LMCD1: variants seen among roughly 807,000 people sequenced by gnomAD.
LMCD1 encodes LIM and cysteine-rich domains protein 1.
A neutral mutation model predicts 42.7 loss-of-function variants in LMCD1; 32 were observed. The observed-to-expected ratio is 0.75, with a 90% CI of 0.57 to 1.01. The LOEUF (loss-of-function observed/expected upper bound fraction) is 1.01, where lower values mean the gene tolerates loss of function less well. Ranked by LOEUF, LMCD1 falls within the 50% of genes least tolerant of loss-of-function variation. LMCD1 has a pLI of 0.00. For synonymous variants in LMCD1, 178 were observed against 184.9 expected (o/e 0.96, Z 0.30); for missense variants, 458 against 483.1 (o/e 0.95, Z 0.49).
chr3:8,555,622 A>G (rs962598301), intron 4 of LMCD1, among the ~76,000 whole-genome samples: 2 of 147,852 alleles, frequency 1.4e-5, no homozygotes, highest in African/African-American at 5.1e-5. Flanking sequence ...TTTCAGGGAG[A>G]TCTTTTTTTT....
chr3:8,558,149 A>G (rs1694961060), intron 4 of LMCD1, among the ~76,000 whole-genome samples: 1 of 152,220 alleles, frequency 6.6e-6, no homozygotes, highest in Non-Finnish European at 1.5e-5. Context: ...GTTCTATAGA[A>G]TTGAGTCACT....
At chr3:8,514,981 G>A (rs550993286) in intron 1 of LMCD1, 4 of 456,736 alleles carry the variant, frequency 8.8e-6, no homozygotes, top group African/African-American at 2.0e-5. Flanking sequence ...GGAGATTGGT[G>A]CATTTCGACC....
In LMCD1 at chr3:8,508,149, T is replaced by A. The variant is rs547937728; in HGVS notation, c.42+6169T>A. ...ACTAGTAGAGAGACCTTTTAAAGAA[T>A]AATACATGTTATCCTAATACTCTAA... On this transcript the variant is annotated intron_variant, in intron 1 of 5. Coordinates refer to ENST00000157600, the MANE Select transcript of LMCD1 (RefSeq NM_014583.4). Among the ~76,000 whole-genome samples, 744 of 152,308 alleles carry A rather than the reference T, an allele frequency of 4.9e-3. 8 individuals are homozygous for A. The highest frequency in any genetic ancestry group is 8.0e-3 in the Non-Finnish European group (542 of 68,024).
intron 1 of LMCD1, among the ~76,000 whole-genome samples, chr3:8,523,113 A>C (rs550295572): frequency 3.3e-5 from 5 of 152,252 alleles, no homozygotes; most frequent in Non-Finnish European, 5.9e-5. Flanking sequence ...TTGATCTTTA[A>C]AAGCAAAACA....
chr3:8,547,382 CAGG>C (rs1464880711), intron 3 of LMCD1, among the ~76,000 whole-genome samples: 59 of 152,284 alleles, frequency 3.9e-4, no homozygotes, highest in African/African-American at 1.4e-3. Flanking sequence ...TTATTTGTTC[CAGG>C]CAGAAAGAAG....
At chr3:8,526,278 T>TG (rs1694297659) in intron 1 of LMCD1, among the ~76,000 whole-genome samples, 1 of 152,216 alleles carries the variant, frequency 6.6e-6, no homozygotes, top group African/African-American at 2.4e-5. Flanking sequence ...CCAAAATATC[T>TG]GGAAGAGGCT....
At chr3:8,506,204 A>G (rs997053630) in intron 1 of LMCD1, among the ~76,000 whole-genome samples, 4 of 152,198 alleles carry the variant, frequency 2.6e-5, no homozygotes, top group African/African-American at 9.6e-5. Flanking sequence ...GAGGCAGGAA[A>G]GAGCTTCATC....
rs1182937927 is a variant in LMCD1, at chr3:8,572,097, G to C, written c.*4499G>C. ...GTTATCTTGTCTATTCTTCAATTTG[G>C]AAGTGTTCTTTGTTCTTTCCTGAAT... is the stretch of plus-strand genomic sequence containing the variant. On this transcript the variant is annotated 3_prime_UTR_variant, in exon 6 of 6. Transcript: ENST00000157600. The C allele has an allele frequency of 6.6e-6, 1 of 152,148 alleles. No individual in the cohort carries two copies. The highest frequency in any genetic ancestry group is 1.5e-5 in the Non-Finnish European group (1 of 68,022). The allele number at this position is 152,148 out of a possible 1,614,324, so 9.4% of individuals were successfully genotyped here.
chr3:8,527,489 G>A (rs1290154086), intron 1 of LMCD1, among the ~76,000 whole-genome samples: 2 of 152,038 alleles, frequency 1.3e-5, no homozygotes, highest in Admixed American at 6.6e-5. Context: ...GTAGTTTCAG[G>A]GTCATATTTT....
intron 5 of LMCD1, 89 bp from the exon 6 acceptor site, chr3:8,567,351 G>A: frequency 7.5e-7 from 1 of 1,338,978 alleles, no homozygotes; most frequent in Non-Finnish European, 1.0e-6. Flanking sequence ...AGGATGGGAT[G>A]AACCACCACC....
chr3:8,510,590 C>A (rs1312643597), intron 1 of LMCD1, among the ~76,000 whole-genome samples: 1 of 152,140 alleles, frequency 6.6e-6, no homozygotes, highest in Non-Finnish European at 1.5e-5. Context: ...AGTTTAGCAG[C>A]TCCTATGCCT....
intron 2 of LMCD1, among the ~76,000 whole-genome samples, chr3:8,535,612 T>C (rs1694495287): frequency 6.6e-6 from 1 of 152,256 alleles, no homozygotes; most frequent in Non-Finnish European, 1.5e-5. Flanking sequence ...CCAAGCCTTT[T>C]TCTATGTACC....
chr3:8,569,032 G>C lies in LMCD1; in HGVS notation c.*1434G>C, dbSNP rs574273493. 1 of 152,288 alleles carries C rather than the reference G, an allele frequency of 6.6e-6. No individual in the cohort carries two copies. Among genetic ancestry groups the C allele is most frequent in the South Asian group, 2.1e-4 (1 of 4,822 alleles). The allele number at this position is 152,288 out of a possible 1,614,324, so 9.4% of individuals were successfully genotyped here. On this transcript the variant is annotated 3_prime_UTR_variant, in exon 6 of 6. Transcript: ENST00000157600. ...CAGCTCCTTTCTCTAGTCACCCTCA[G>C]TTTCCTCGTCATGTTCATCTTCTCA...
chr3:8,559,654 A>G (rs1381055646), intron 4 of LMCD1, among the ~76,000 whole-genome samples: 2 of 152,218 alleles, frequency 1.3e-5, no homozygotes, highest in Non-Finnish European at 2.9e-5. Context: ...GATGAGACCC[A>G]AGTAGGCTGG....
At position 8,567,809 on chromosome 3, in the gene LMCD1, A is replaced by C. The variant is rs867263864; in HGVS notation, c.*211A>C. ...CTTGAGGGTCAGTAGTTTCAAAACCAAAAATATTCTAAGAAGTCTTAGGAT... is the reference window on the plus strand; with the variant it reads ...CTTGAGGGTCAGTAGTTTCAAAACCCAAAATATTCTAAGAAGTCTTAGGAT... On this transcript the variant is annotated 3_prime_UTR_variant, in exon 6 of 6. Transcript: ENST00000157600. 2.2e-5 allele frequency: 8 copies of C among 369,020 alleles called. No homozygotes were observed. Among genetic ancestry groups the C allele is most frequent in the Admixed American group, 1.4e-4 (3 of 22,098 alleles). 22.9% of individuals were successfully genotyped at this position (369,020 alleles called of 1,614,324 possible).
intron 3 of LMCD1, among the ~76,000 whole-genome samples, chr3:8,542,929 T>C (rs1049101276): frequency 1.3e-5 from 2 of 152,210 alleles, no homozygotes; most frequent in African/African-American, 2.4e-5. Context: ...AGTTGGCTGT[T>C]CCTATCATCT....
At chr3:8,541,672 G>A (rs1205278156) in intron 3 of LMCD1, among the ~76,000 whole-genome samples, 1 of 152,222 alleles carries the variant, frequency 6.6e-6, no homozygotes, top group East Asian at 1.9e-4. Flanking sequence ...CTCCTATGAC[G>A]TAGTCAGGTA....
intron 3 of LMCD1, among the ~76,000 whole-genome samples, chr3:8,542,002 C>CTTTTTTTTTT (rs1187864989): frequency 2.0e-4 from 15 of 76,724 alleles, no homozygotes; most frequent in African/African-American, 3.3e-4. Flanking sequence ...GAGGCTGGAG[C>CTTTTTTTTTT]TTTTTTTTTT....
chr3:8,524,250 G>A (rs1328334161), intron 1 of LMCD1, among the ~76,000 whole-genome samples: 1 of 151,936 alleles, frequency 6.6e-6, no homozygotes, highest in Non-Finnish European at 1.5e-5. Flanking sequence ...AACCATTTGG[G>A]TGTTGCACAT....
Sources: gnomAD v4.1 joint callset for allele counts (sites outside exome capture counted in the v4.1 genomes callset) on GRCh38, gnomAD v4.1.1 for gene constraint, MANE v1.5 for transcripts, NCBI Gene and HGNC (gene_info 2026-07-23, HGNC 2026-07-21) for gene names.